MACROD1: variants seen among roughly 807,000 people sequenced by gnomAD.
MACROD1 encodes the protein ADP-ribose glycohydrolase MACROD1.
A neutral mutation model predicts 41.4 loss-of-function variants in MACROD1; 31 were observed. The ratio of observed to expected loss-of-function variants is 0.75; its 90% CI spans 0.56 to 1.01. The LOEUF (loss-of-function observed/expected upper bound fraction) is 1.01. Ranked by LOEUF, MACROD1 falls within the 50% of genes least tolerant of loss-of-function variation. The pLI is 0.00. For synonymous variants in MACROD1, 252 were observed against 203.4 expected, an observed-to-expected ratio of 1.24 and a Z score of -2.03; for missense variants, 473 against 460.0, an observed-to-expected ratio of 1.03 and a Z score of -0.26.
chr11:64,134,958 G>A (rs1031639869), intron 3 of MACROD1, among the ~76,000 whole-genome samples: 1 of 152,218 alleles, frequency 6.6e-6, no homozygotes, highest in Admixed American at 6.5e-5. Context: ...AGAGAGATTT[G>A]TGTGGGTTGC....
chr11:64,072,434 A>AT (rs1555017750), intron 3 of MACROD1, among the ~76,000 whole-genome samples: 15 of 152,148 alleles, frequency 9.9e-5, no homozygotes, highest in African/African-American at 2.7e-4. Context: ...AAAAAAAAAA[A>AT]AATAATAATT....
rs560793313 is a variant in MACROD1, at chr11:64,127,417, C to G, written c.517+23822G>C. ...TTGCCCCCGAGGCTCAGCCCACCCC[C>G]TCCCCGGACCTTGCCCCCGAGGCTC... is the stretch of plus-strand genomic sequence containing the variant. On this transcript the variant is annotated intron_variant, in intron 3 of 10. Transcript: ENST00000255681. 3.3e-5 allele frequency among the ~76,000 whole-genome samples: 5 copies of G among 151,202 alleles called. No individual in the cohort carries two copies. In the South Asian group the frequency reaches 8.4e-4, roughly 25 times the overall value.
At chr11:64,151,543 C>T (rs138926066) in intron 2 of MACROD1, among the ~76,000 whole-genome samples, 188 bp from the exon 3 acceptor site, 42 of 152,340 alleles carry the variant, frequency 2.8e-4, no homozygotes, top group African/African-American at 9.6e-4. Context: ...GCTAAAATCA[C>T]GCGGGGACTC....
At chr11:64,098,139 C>T (rs1004536014) in intron 3 of MACROD1, among the ~76,000 whole-genome samples, 2 of 152,160 alleles carry the variant, frequency 1.3e-5, no homozygotes, top group Non-Finnish European at 2.9e-5. Context: ...CATGCAGCAG[C>T]GAGAACACTC....
At chr11:64,113,909 T>TGGATGGAC in intron 3 of MACROD1, among the ~76,000 whole-genome samples, 1 of 147,182 alleles carries the variant, frequency 6.8e-6, no homozygotes, top group East Asian at 2.1e-4. Context: ...GATGGATGGA[T>TGGATGGAC]GGACAGGTGG....
chr11:64,072,431 A>AT (rs1014550394), intron 3 of MACROD1, among the ~76,000 whole-genome samples: 4 of 151,358 alleles, frequency 2.6e-5, no homozygotes, highest in African/African-American at 9.7e-5. Flanking sequence ...TTTAAAAAAA[A>AT]AAAAATAATA....
intron 3 of MACROD1, among the ~76,000 whole-genome samples, chr11:64,045,374 CG>C (rs35036862): frequency 0.14 from 20,979 of 152,222 alleles, 1,808 homozygotes; most frequent in Non-Finnish European, 0.19. Flanking sequence ...TCTGCTCCGC[CG>C]GGACCTGGGC....
chr11:64,084,750 C>T (rs1402091833), intron 3 of MACROD1, among the ~76,000 whole-genome samples: 2 of 152,212 alleles, frequency 1.3e-5, no homozygotes, highest in Non-Finnish European at 2.9e-5. Flanking sequence ...CACCTCGTGC[C>T]TTGGTGACCC....
Position 64,090,446 on chromosome 11 carries a change from T to C in MACROD1, c.517+60793A>G, listed in dbSNP as rs1158483513. Among the ~76,000 whole-genome samples the C allele has an allele frequency of 6.6e-6, 1 of 151,566 alleles. No homozygotes were observed. Among genetic ancestry groups the C allele is most frequent in the Non-Finnish European group, 1.5e-5 (1 of 67,592 alleles). ...TCCAGCCCGGGCAGCAGTGGGTCGATAATAATTTACGAGGCAGCCCCTGAG... is the reference window on the plus strand; with the variant it reads ...TCCAGCCCGGGCAGCAGTGGGTCGACAATAATTTACGAGGCAGCCCCTGAG... On this transcript the variant is annotated intron_variant, in intron 3 of 10. Transcript: ENST00000255681. The surrounding 1 kb of genome is among the most constrained non-coding windows in gnomAD (Gnocchi z 4.7).
intron 3 of MACROD1, among the ~76,000 whole-genome samples, chr11:64,074,516 T>A (rs1311045409): frequency 1.3e-5 from 2 of 152,334 alleles, no homozygotes; most frequent in Admixed American, 6.5e-5. Context: ...GTTCAGTTTC[T>A]GGCCTAAGGT....
chr11:64,087,774 A>C (rs1032890540), intron 3 of MACROD1, among the ~76,000 whole-genome samples: 39 of 152,194 alleles, frequency 2.6e-4, no homozygotes, highest in African/African-American at 8.9e-4. Flanking sequence ...GCACGTCTGA[A>C]TGACCGGAGG....
At chr11:64,074,830 C>G (rs1944173561) in intron 3 of MACROD1, among the ~76,000 whole-genome samples, 1 of 152,218 alleles carries the variant, frequency 6.6e-6, no homozygotes, top group Non-Finnish European at 1.5e-5. Context: ...GTGGGGAAGC[C>G]TGTGGCCTGC....
chr11:64,125,426 A>T (rs1197732587), intron 3 of MACROD1, among the ~76,000 whole-genome samples: 2 of 152,142 alleles, frequency 1.3e-5, no homozygotes, highest in Non-Finnish European at 2.9e-5. Context: ...ACACAGGGGT[A>T]CTCAATCCTT....
intron 3 of MACROD1, among the ~76,000 whole-genome samples, chr11:64,017,817 C>T (rs1352419375): frequency 6.6e-6 from 1 of 152,166 alleles, no homozygotes; most frequent in African/African-American, 2.4e-5. Context: ...TAATTAACAC[C>T]GGCCACAAAT....
chr11:64,123,385 C>T (rs1326117171), intron 3 of MACROD1, among the ~76,000 whole-genome samples: 1 of 152,162 alleles, frequency 6.6e-6, no homozygotes, highest in Non-Finnish European at 1.5e-5. Context: ...AAATGCAAAT[C>T]GTTACCGTTT....
chr11:64,085,331 G>A (rs1209249001), intron 3 of MACROD1, among the ~76,000 whole-genome samples: 1 of 152,188 alleles, frequency 6.6e-6, no homozygotes, highest in East Asian at 1.9e-4. Flanking sequence ...ACAAGCCTCA[G>A]CGCCCGCTGC....
At chr11:64,026,309 G>C (rs1408406106) in intron 3 of MACROD1, among the ~76,000 whole-genome samples, 3 of 152,156 alleles carry the variant, frequency 2.0e-5, no homozygotes, top group African/African-American at 4.8e-5. Context: ...ACAGGTGTGA[G>C]CCACTGCGCT....
intron 3 of MACROD1, among the ~76,000 whole-genome samples, chr11:64,105,732 C>T (rs1011550296): frequency 2.0e-5 from 3 of 152,148 alleles, no homozygotes; most frequent in Admixed American, 6.5e-5. Context: ...AGACACTGTT[C>T]CCCAGCATCC....
At chr11:64,128,878 G>A (rs546161803) in intron 3 of MACROD1, among the ~76,000 whole-genome samples, 4 of 152,340 alleles carry the variant, frequency 2.6e-5, no homozygotes, top group African/African-American at 9.6e-5. Context: ...CCCGTAAACA[G>A]GAATGAAGAG....
Sources: gnomAD v4.1 joint callset for allele counts (sites outside exome capture counted in the v4.1 genomes callset) on GRCh38, gnomAD v4.1.1 for gene constraint, Gnocchi (gnomAD v3.1) non-coding constraint, MANE v1.5 for transcripts, NCBI Gene and HGNC (gene_info 2026-07-23, HGNC 2026-07-21) for gene names.